Variants in DSCAM observed in about 807,000 individuals in gnomAD.
DSCAM encodes cell adhesion molecule DSCAM.
Under a neutral mutation model 217.7 loss-of-function variants are expected in DSCAM, and 47 were observed. The observed-to-expected ratio is 0.22, with a 90% confidence interval of 0.17 to 0.28. The LOEUF (loss-of-function observed/expected upper bound fraction) is 0.28. Among genes scored for constraint, DSCAM ranks in the 10% least tolerant of loss-of-function variants. The probability of loss-of-function intolerance (pLI) is 1.00; values close to 1 mark genes in which losing one functional copy is unlikely to be tolerated. For missense variants in DSCAM, 2,080 were observed against 2,618.3 expected, an observed-to-expected ratio of 0.79 and a Z score of 4.49; for synonymous variants, 1,056 against 1,015.3, an observed-to-expected ratio of 1.04 and a Z score of -0.76.
intron 21 of DSCAM, among the ~76,000 whole-genome samples, chr21:40,088,608 A>G (rs922925523): frequency 6.6e-6 from 1 of 152,214 alleles, no homozygotes; most frequent in Non-Finnish European, 1.5e-5. Flanking sequence ...GAGATGAAGT[A>G]TTCTAAGGCA....
intron 10 of DSCAM, among the ~76,000 whole-genome samples, chr21:40,288,204 C>T (rs1417725068): frequency 1.3e-5 from 2 of 152,040 alleles, no homozygotes; most frequent in Non-Finnish European, 2.9e-5. Context: ...AACCAGATGC[C>T]GTAGCTTATA....
chr21:40,077,061 T>C (rs2089375569), intron 26 of DSCAM, among the ~76,000 whole-genome samples: 2 of 152,132 alleles, frequency 1.3e-5, no homozygotes, highest in South Asian at 4.1e-4. Flanking sequence ...ATGAAGTCAC[T>C]GAAGAGTGAG....
At chr21:40,501,496 T>C (rs1415986760) in intron 3 of DSCAM, among the ~76,000 whole-genome samples, 1 of 152,232 alleles carries the variant, frequency 6.6e-6, no homozygotes, top group Non-Finnish European at 1.5e-5. Flanking sequence ...ATATAAAGAC[T>C]GTCTCCACAG....
intron 1 of DSCAM, among the ~76,000 whole-genome samples, chr21:40,798,065 T>C (rs1027761113): frequency 1.3e-5 from 2 of 152,140 alleles, no homozygotes; most frequent in Admixed American, 1.3e-4. Flanking sequence ...GTAATTGAAT[T>C]CAGCCTGGAG....
At chr21:40,116,290 C>T (rs1186641477) in intron 20 of DSCAM, among the ~76,000 whole-genome samples, 1 of 152,160 alleles carries the variant, frequency 6.6e-6, no homozygotes, top group African/African-American at 2.4e-5. Context: ...TATAAGAAAT[C>T]TGCACGTTAC....
intron 31 of DSCAM, among the ~76,000 whole-genome samples, chr21:40,042,913 T>C (rs2088779786): frequency 6.6e-6 from 1 of 152,064 alleles, no homozygotes; most frequent in Non-Finnish European, 1.5e-5. Context: ...ATGTCCCAGC[T>C]TGGGACATTT....
chr21:40,219,309 A>G (rs2091270159), intron 11 of DSCAM, among the ~76,000 whole-genome samples: 1 of 152,170 alleles, frequency 6.6e-6, no homozygotes, highest in Non-Finnish European at 1.5e-5. Flanking sequence ...TCAACCTTGC[A>G]TCCTGGAGAT....
intron 3 of DSCAM, among the ~76,000 whole-genome samples, chr21:40,674,626 C>CTTTTTTTTTTTTTT (rs869239926): frequency 3.8e-5 from 4 of 105,898 alleles, no homozygotes; most frequent in Non-Finnish European, 5.5e-5. Context: ...TTTTCTTTTT[C>CTTTTTTTTTTTTTT]TTTTTCTTTT....
chr21:40,830,238 T>C (rs1160216959), intron 1 of DSCAM, among the ~76,000 whole-genome samples: 5 of 152,040 alleles, frequency 3.3e-5, no homozygotes. Context: ...AGTAGGCAGG[T>C]CATAGGGTGA....
chr21:40,722,808 G>C (rs1204408557), intron 1 of DSCAM, among the ~76,000 whole-genome samples: 1 of 151,802 alleles, frequency 6.6e-6, no homozygotes, highest in African/African-American at 2.4e-5. Context: ...GAAACTGATA[G>C]ACCAAAAGTA....
At position 40,829,572 on chromosome 21, in the gene DSCAM, G is replaced by A. The variant is rs190621174; in HGVS notation, c.43+17047C>T. Among the ~76,000 whole-genome samples, 27 of 152,326 alleles carry A rather than the reference G, an allele frequency of 1.8e-4. No homozygotes were observed. In the Middle Eastern group the frequency reaches 0.01, roughly 58 times the overall value. On this transcript the variant is annotated intron_variant, in intron 1 of 32. Coordinates refer to ENST00000400454, the MANE Select transcript of DSCAM (RefSeq NM_001389.5). ...CTGAGACATGGGTGAGTAGGTGTGA[G>A]CACCTGGTGAAACAGGTCAGAGGAA...
At chr21:40,048,787 T>G (rs568468680) in intron 30 of DSCAM, among the ~76,000 whole-genome samples, 1 of 152,286 alleles carries the variant, frequency 6.6e-6, no homozygotes, top group African/African-American at 2.4e-5. Flanking sequence ...CACAGAGGTA[T>G]AAACACCTGG....
intron 28 of DSCAM, among the ~76,000 whole-genome samples, chr21:40,061,791 G>C (rs1203692884): frequency 1.3e-5 from 2 of 152,142 alleles, no homozygotes; most frequent in Non-Finnish European, 2.9e-5. Flanking sequence ...TATATGTATA[G>C]ATGGAGGAGG....
chr21:40,769,903 A>T (rs1333468510), intron 1 of DSCAM, among the ~76,000 whole-genome samples: 1 of 152,136 alleles, frequency 6.6e-6, no homozygotes, highest in African/African-American at 2.4e-5. Context: ...TCCTGTAAAT[A>T]ATATTCCATC....
At chr21:40,411,558 A>C (rs2075323596) in intron 3 of DSCAM, among the ~76,000 whole-genome samples, 1 of 152,160 alleles carries the variant, frequency 6.6e-6, no homozygotes, top group Non-Finnish European at 1.5e-5. Context: ...AGTCATAGAA[A>C]GGTTAAAGCA....
chr21:40,416,700 A>G (rs1419525534), intron 3 of DSCAM, among the ~76,000 whole-genome samples: 1 of 152,172 alleles, frequency 6.6e-6, no homozygotes, highest in Non-Finnish European at 1.5e-5. Flanking sequence ...AAACTAAAAG[A>G]AAATAAGGAT....
intron 1 of DSCAM, among the ~76,000 whole-genome samples, chr21:40,742,747 C>A (rs955705176): frequency 6.6e-6 from 1 of 152,140 alleles, no homozygotes; most frequent in Non-Finnish European, 1.5e-5. Flanking sequence ...TACGTCCTAT[C>A]CTTACAACAG....
intron 3 of DSCAM, among the ~76,000 whole-genome samples, chr21:40,511,536 A>G (rs1425044809): frequency 6.6e-6 from 1 of 152,206 alleles, no homozygotes; most frequent in Non-Finnish European, 1.5e-5. Context: ...ACAAACATGG[A>G]AAAGATGAAA....
chr21:40,722,406 T>A (rs2090911185), intron 1 of DSCAM, among the ~76,000 whole-genome samples: 1 of 152,102 alleles, frequency 6.6e-6, no homozygotes, highest in Non-Finnish European at 1.5e-5. Context: ...GAAATAAAAA[T>A]TTATTGTTGT....
Sources: allele counts gnomAD v4.1 joint callset (sites outside exome capture counted in the v4.1 genomes callset), GRCh38; gene constraint gnomAD v4.1.1; transcripts MANE v1.5; gene names NCBI Gene and HGNC (gene_info 2026-07-23, HGNC 2026-07-21).